Variants in HTR2C observed in about 807,000 individuals in gnomAD.
The protein encoded by HTR2C is 5-hydroxytryptamine (serotonin) receptor 2C, G protein-coupled.
A neutral mutation model predicts 21.0 loss-of-function variants in HTR2C; 5 were observed. The ratio of observed to expected loss-of-function variants is 0.24; its 90% CI spans 0.12 to 0.50. The LOEUF (loss-of-function observed/expected upper bound fraction) is 0.50, where lower values mean the gene tolerates loss of function less well. HTR2C is among the 20% of genes least tolerant of loss of function. The probability of loss-of-function intolerance (pLI) is 0.98; values close to 1 mark genes in which losing one functional copy is unlikely to be tolerated. For synonymous variants in HTR2C, 150 were observed against 145.3 expected (o/e 1.03, Z -0.23); for missense variants, 271 against 371.2 (o/e 0.73, Z 2.22).
At chrX:114,658,705 G>A (rs1218347260) in intron 2 of HTR2C, among the ~76,000 whole-genome samples, 2 of 111,113 alleles carry the variant, frequency 1.8e-5, no homozygotes, top group Admixed American at 1.9e-4. Flanking sequence ...AAAGGGGGGA[G>A]AGGAGGGATA....
At chrX:114,788,435 T>A (rs1306432665) in intron 4 of HTR2C, among the ~76,000 whole-genome samples, 1 of 109,562 alleles carries the variant, frequency 9.1e-6, no homozygotes, top group African/African-American at 3.3e-5. Context: ...AAATTTTTTG[T>A]ATTTTTAGTC....
chrX:114,703,592 C>A (rs191869394), intron 2 of HTR2C, among the ~76,000 whole-genome samples: 1 of 111,688 alleles, frequency 9.0e-6, no homozygotes, highest in Non-Finnish European at 1.9e-5. Flanking sequence ...GCACTAAATG[C>A]CCACAAGAGA....
intron 1 of HTR2C, among the ~76,000 whole-genome samples, chrX:114,598,401 T>C (rs1927950811): frequency 9.0e-6 from 1 of 111,680 alleles, no homozygotes; most frequent in Non-Finnish European, 1.9e-5. Context: ...TCAGTCCTGT[T>C]GCTTTTATTC....
intron 1 of HTR2C, among the ~76,000 whole-genome samples, chrX:114,586,396 A>T (rs906458749): frequency 3.6e-5 from 4 of 111,843 alleles, no homozygotes; most frequent in African/African-American, 1.3e-4. Flanking sequence ...CCTTAAATAA[A>T]TTCTCCTGAT....
chrX:114,876,000 A>G (rs2071131489), intron 5 of HTR2C, among the ~76,000 whole-genome samples: 1 of 109,889 alleles, frequency 9.1e-6, no homozygotes, highest in Non-Finnish European at 1.9e-5. Flanking sequence ...TGCTTTGAGT[A>G]GTATTGACAC....
intron 2 of HTR2C, among the ~76,000 whole-genome samples, chrX:114,616,864 C>T (rs1450083097): frequency 9.0e-6 from 1 of 111,596 alleles, no homozygotes; most frequent in African/African-American, 3.3e-5. Flanking sequence ...TCTGTAAAAC[C>T]GCATCAACAT....
chrX:114,678,226 A>G (rs1931628212), intron 2 of HTR2C, among the ~76,000 whole-genome samples: 1 of 108,123 alleles, frequency 9.2e-6, no homozygotes, highest in Non-Finnish European at 1.9e-5. Flanking sequence ...ATGAGAAAAT[A>G]TCTTGAGACT....
At chrX:114,775,818 G>T in intron 4 of HTR2C, 2 of 396,806 alleles carry the variant, frequency 5.0e-6, no homozygotes, top group East Asian at 4.4e-5. Context: ...TTGACATCTC[G>T]AATGGCTTTT....
intron 2 of HTR2C, among the ~76,000 whole-genome samples, chrX:114,718,929 TATATA>T (rs1316463340): frequency 3.5e-4 from 35 of 101,417 alleles, no homozygotes; most frequent in Admixed American, 1.4e-3. Flanking sequence ...TATAATTATA[TATATA>T]ATATAATATA....
chrX:114,586,385 T>G (rs1405094808), intron 1 of HTR2C, among the ~76,000 whole-genome samples: 1 of 111,974 alleles, frequency 8.9e-6, no homozygotes, highest in Non-Finnish European at 1.9e-5. Context: ...TATTTTTCAT[T>G]CCTTAAATAA....
At chrX:114,736,040 G>A (rs1483761427) in intron 4 of HTR2C, among the ~76,000 whole-genome samples, 1 of 110,191 alleles carries the variant, frequency 9.1e-6, no homozygotes, top group Admixed American at 9.7e-5. Context: ...GTGAACCTGG[G>A]AGGCGGAGCT....
At chrX:114,857,540 G>A (rs1333947759) in intron 5 of HTR2C, among the ~76,000 whole-genome samples, 6 of 110,868 alleles carry the variant, frequency 5.4e-5, no homozygotes, top group African/African-American at 1.3e-4. Context: ...GCATTTCGAC[G>A]TCCTCTTTTG....
chrX:114,644,374 T>A (rs1283545855), intron 2 of HTR2C, among the ~76,000 whole-genome samples: 533 of 52,422 alleles, frequency 0.01, 4 homozygotes, highest in South Asian at 0.045. Flanking sequence ...TATATATATA[T>A]ATATATATAT....
At chrX:114,852,448 C>T (rs1200543112) in intron 5 of HTR2C, among the ~76,000 whole-genome samples, 2 of 109,706 alleles carry the variant, frequency 1.8e-5, no homozygotes, top group South Asian at 3.9e-4. Context: ...CACAAATACA[C>T]GTATTGTTAT....
intron 2 of HTR2C, among the ~76,000 whole-genome samples, chrX:114,718,353 TC>T (rs1556420088): frequency 8.9e-6 from 1 of 112,653 alleles, no homozygotes; most frequent in African/African-American, 3.2e-5. Context: ...TTTCCAAATT[TC>T]CAGTGGAGAT....
chrX:114,836,363 G>A (rs1466302827), intron 4 of HTR2C, among the ~76,000 whole-genome samples: 1 of 112,582 alleles, frequency 8.9e-6, no homozygotes, highest in African/African-American at 3.2e-5. Flanking sequence ...GCGAGACTCC[G>A]TGGGCGTAGG....
chrX:114,703,985 T>A (rs1932665452), intron 2 of HTR2C, among the ~76,000 whole-genome samples: 1 of 110,121 alleles, frequency 9.1e-6, no homozygotes, highest in Non-Finnish European at 1.9e-5. Flanking sequence ...CCTCGACACA[T>A]ACACCCTCCC....
chrX:114,865,633 G>A (rs1485398326), intron 5 of HTR2C, among the ~76,000 whole-genome samples: 1 of 110,874 alleles, frequency 9.0e-6, no homozygotes, highest in African/African-American at 3.3e-5. Context: ...GTGACTTAGG[G>A]TATTGAGCAT....
Position 114,762,549 on chromosome X carries a change from T to G in HTR2C, c.349+30942T>G, listed in dbSNP as rs782019096. ...CATTCTCAAAGTGAAACAATTTTCT[T>G]GTGTGTATAAAGGTGGTACCATATC... On this transcript the variant is annotated intron_variant, in intron 4 of 5. Transcript: ENST00000276198. Among the ~76,000 whole-genome samples the G allele has an allele frequency of 2.7e-5, 3 of 111,973 alleles. No individual in the cohort carries two copies. The South Asian group carries it at 1.1e-3, about 42-fold the overall frequency.
Sources: gnomAD v4.1 joint callset for allele counts (sites outside exome capture counted in the v4.1 genomes callset) on GRCh38, gnomAD v4.1.1 for gene constraint, MANE v1.5 for transcripts, NCBI Gene and HGNC (gene_info 2026-07-23, HGNC 2026-07-21) for gene names.